Variants in IQCJ observed in about 807,000 individuals in gnomAD.
IQCJ encodes IQ domain-containing protein J.
IQCJ carries 9 observed loss-of-function variants against 11.0 expected under a neutral mutation model. The observed-to-expected ratio is 0.82, with a 90% CI of 0.49 to 1.43. The LOEUF is 1.43. Ranked by LOEUF, IQCJ falls within the 40% of genes most tolerant of loss-of-function variation. The pLI is 0.00. For missense variants in IQCJ, 146 were observed against 133.2 expected (o/e 1.10, Z -0.47); for synonymous variants, 55 against 51.3 (o/e 1.07, Z -0.31).
At chr3:159,197,371 C>A (rs924174600) in intron 1 of IQCJ, among the ~76,000 whole-genome samples, 1 of 152,174 alleles carries the variant, frequency 6.6e-6, no homozygotes, top group African/African-American at 2.4e-5. Flanking sequence ...AACCTCCATT[C>A]CCTCTCTTCT....
At chr3:159,202,547 G>A (rs982468118) in intron 1 of IQCJ, among the ~76,000 whole-genome samples, 4 of 152,122 alleles carry the variant, frequency 2.6e-5, no homozygotes, top group Non-Finnish European at 5.9e-5. Flanking sequence ...AGGATATAGC[G>A]GTGGCTGTTC....
At chr3:159,113,689 T>C (rs1203731811) in intron 1 of IQCJ, among the ~76,000 whole-genome samples, 1 of 152,236 alleles carries the variant, frequency 6.6e-6, no homozygotes, top group South Asian at 2.1e-4. Context: ...TGTCAGATGC[T>C]GGGGCAGGCA....
At chr3:159,191,183 G>A (rs1723664392) in intron 1 of IQCJ, among the ~76,000 whole-genome samples, 1 of 152,194 alleles carries the variant, frequency 6.6e-6, no homozygotes, top group South Asian at 2.1e-4. Flanking sequence ...GTTGGATGCA[G>A]TAGGTAGTGA....
intron 1 of IQCJ, among the ~76,000 whole-genome samples, chr3:159,140,313 C>T (rs1720530037): frequency 6.6e-6 from 1 of 152,146 alleles, no homozygotes; most frequent in South Asian, 2.1e-4. Flanking sequence ...CTTCTGACTC[C>T]AAATCTAGTG....
intron 1 of IQCJ, among the ~76,000 whole-genome samples, chr3:159,216,025 A>C (rs1304642532): frequency 6.9e-6 from 1 of 145,894 alleles, no homozygotes; most frequent in Non-Finnish European, 1.5e-5. Context: ...TCTAACTGTA[A>C]GATTTTTCTC....
chr3:159,235,401 A>T lies in IQCJ; in HGVS notation c.10-10442A>T, dbSNP rs1726517698. Among the ~76,000 whole-genome samples the T allele has an allele frequency of 2.0e-5, 3 of 152,350 alleles. No homozygotes were observed. In the South Asian group the frequency reaches 6.2e-4, roughly 32 times the overall value. On this transcript the variant is annotated intron_variant, in intron 1 of 3. Coordinates refer to ENST00000397832, the MANE Select transcript of IQCJ (RefSeq NM_001042706.3). ...TCTATAATGATAGTTTTTGAATGTC[A>T]TGATCTAAAACTAGCAAAAGTTTTG...
At chr3:159,123,768 T>G (rs936822957) in intron 1 of IQCJ, among the ~76,000 whole-genome samples, 1 of 152,188 alleles carries the variant, frequency 6.6e-6, no homozygotes, top group Non-Finnish European at 1.5e-5. Context: ...AGTGAGGACC[T>G]TGGGCCTCTG....
chr3:159,231,355 C>G (rs988457291), intron 1 of IQCJ, among the ~76,000 whole-genome samples: 2 of 152,146 alleles, frequency 1.3e-5, no homozygotes, highest in African/African-American at 4.8e-5. Flanking sequence ...AGTTTAGGAT[C>G]TGGTTTTTAG....
chr3:159,184,550 T>C (rs1723276474), intron 1 of IQCJ, among the ~76,000 whole-genome samples: 1 of 152,232 alleles, frequency 6.6e-6, no homozygotes, highest in Non-Finnish European at 1.5e-5. Flanking sequence ...TTTTAGCTGG[T>C]GTATTCCCCA....
At chr3:159,198,088 A>G (rs1214231462) in intron 1 of IQCJ, among the ~76,000 whole-genome samples, 2 of 152,200 alleles carry the variant, frequency 1.3e-5, no homozygotes, top group Non-Finnish European at 2.9e-5. Flanking sequence ...GTAGGTCGTA[A>G]TGAAAAGTGC....
At chr3:159,186,466 A>T (rs1229012927) in intron 1 of IQCJ, among the ~76,000 whole-genome samples, 1 of 152,156 alleles carries the variant, frequency 6.6e-6, no homozygotes, top group Non-Finnish European at 1.5e-5. Flanking sequence ...AGCATTTCAA[A>T]CACTTCACAA....
chr3:159,136,867 A>G (rs1720318956), intron 1 of IQCJ, among the ~76,000 whole-genome samples: 1 of 152,226 alleles, frequency 6.6e-6, no homozygotes, highest in Non-Finnish European at 1.5e-5. Flanking sequence ...AGATATTGTT[A>G]CCTTCAAAGT....
intron 1 of IQCJ, among the ~76,000 whole-genome samples, chr3:159,109,350 C>A (rs1453572284): frequency 6.6e-6 from 1 of 152,006 alleles, no homozygotes; most frequent in Non-Finnish European, 1.5e-5. Flanking sequence ...GATCACACAG[C>A]CCACAAGAGT....
At chr3:159,105,258 A>T (rs987171293) in intron 1 of IQCJ, among the ~76,000 whole-genome samples, 7 of 152,146 alleles carry the variant, frequency 4.6e-5, no homozygotes, top group African/African-American at 1.7e-4. Flanking sequence ...CATATTTTAG[A>T]CTCAGAAGCC....
chr3:159,220,048 C>T (rs978697610), intron 1 of IQCJ, among the ~76,000 whole-genome samples: 5 of 152,146 alleles, frequency 3.3e-5, no homozygotes, highest in Non-Finnish European at 5.9e-5. Context: ...TTACAAGTGG[C>T]GTGCTTCCAT....
At chr3:159,235,991 C>T (rs1577103108) in intron 1 of IQCJ, among the ~76,000 whole-genome samples, 1 of 152,248 alleles carries the variant, frequency 6.6e-6, no homozygotes, top group East Asian at 1.9e-4. Context: ...TGTAAGATCA[C>T]AGTCCCTCTG....
intron 1 of IQCJ, among the ~76,000 whole-genome samples, chr3:159,158,930 G>A (rs1299745074): frequency 2.0e-5 from 3 of 152,180 alleles, no homozygotes; most frequent in Non-Finnish European, 2.9e-5. Context: ...TGAAGGAAGA[G>A]GTTCATACCC....
At chr3:159,075,176 G>A (rs1372871275) in intron 1 of IQCJ, among the ~76,000 whole-genome samples, 3 of 152,112 alleles carry the variant, frequency 2.0e-5, no homozygotes, top group Non-Finnish European at 2.9e-5. Flanking sequence ...AGTTTTATAG[G>A]AATTTGCAAT....
chr3:159,227,748 A>G (rs1231715178), intron 1 of IQCJ, among the ~76,000 whole-genome samples: 3 of 152,238 alleles, frequency 2.0e-5, no homozygotes, highest in East Asian at 3.8e-4. Context: ...CCCAAAGACT[A>G]TGTTGTAAAT....
Sources: allele counts gnomAD v4.1 joint callset (sites outside exome capture counted in the v4.1 genomes callset), GRCh38; gene constraint gnomAD v4.1.1; transcripts MANE v1.5; gene names NCBI Gene and HGNC (gene_info 2026-07-23, HGNC 2026-07-21).